MAP2: variants seen among roughly 807,000 people sequenced by gnomAD.
The protein encoded by MAP2 is microtubule-associated protein 2.
MAP2 carries 14 observed loss-of-function variants against 137.6 expected under a neutral mutation model. The observed-to-expected ratio is 0.10, with a 90% CI of 0.07 to 0.16. The LOEUF (loss-of-function observed/expected upper bound fraction) is 0.16, where lower values mean the gene tolerates loss of function less well. MAP2 is among the 10% of genes least tolerant of loss of function. The pLI is 1.00. For synonymous variants in MAP2, 786 were observed against 782.3 expected (o/e 1.00, Z -0.08); for missense variants, 2,088 against 2,191.5 (o/e 0.95, Z 0.94).
intron 2 of MAP2, among the ~76,000 whole-genome samples, chr2:209,516,445 A>C (rs1387109223): frequency 6.6e-6 from 1 of 152,126 alleles, no homozygotes; most frequent in African/African-American, 2.4e-5. Context: ...TTTTTAAAAA[A>C]CAGCTACGGT....
At position 209,694,050 on chromosome 2, in the gene MAP2, A is replaced by G. The variant is rs1583650651; in HGVS notation, c.1880A>G (p.Gln627Arg). The change falls in exon 8 of 16, where the codon CAG becomes CGG. Residue 627 changes from glutamine (Q) to arginine (R), a missense_variant. By Grantham distance (43) the Gln-to-Arg change is conservative (BLOSUM62 1). Around this residue, in one of 6 missense-constraint regions of MAP2, gnomAD observed 859 missense variants for 794.5 expected, o/e 1.08. Coordinates refer to ENST00000682079, the MANE Select transcript of MAP2 (RefSeq NM_001375505.1). ...GAGTTTCAAACAGGAAAAGAATCCC[A>G]GCCCAGTCCTCCAGCACAAGAAGCA... is the stretch of plus-strand genomic sequence containing the variant. ...DKEFQTGKES[Q>R]PSPPAQEAGY... 6.2e-7 allele frequency: 1 copy of G among 1,613,508 alleles called. No homozygotes were observed. The highest frequency in any genetic ancestry group is 2.2e-5 in the East Asian group (1 of 44,860).
chr2:209,564,047 G>A (rs905059937), intron 2 of MAP2, among the ~76,000 whole-genome samples: 4 of 152,234 alleles, frequency 2.6e-5, no homozygotes, highest in African/African-American at 9.6e-5. Context: ...TGAAATGAAG[G>A]TCAGTTAGTC....
At chr2:209,571,509 T>A (rs1386639431) in intron 2 of MAP2, among the ~76,000 whole-genome samples, 1 of 152,026 alleles carries the variant, frequency 6.6e-6, no homozygotes, top group Non-Finnish European at 1.5e-5. Context: ...AGTGGTTGTA[T>A]TAATTTAAGC....
intron 3 of MAP2, among the ~76,000 whole-genome samples, chr2:209,622,908 G>A (rs192517395): frequency 6.9e-4 from 105 of 152,086 alleles, no homozygotes; most frequent in Non-Finnish European, 1.1e-3. Flanking sequence ...TAGGTATTGG[G>A]TACCCTGAAT....
chr2:209,676,812 A>G (rs906058590), intron 5 of MAP2, among the ~76,000 whole-genome samples: 5 of 137,758 alleles, frequency 3.6e-5, no homozygotes, highest in African/African-American at 1.4e-4. Context: ...TCTTTATTAC[A>G]CTCAATTTTT....
At chr2:209,639,213 T>A (rs769725854) in intron 4 of MAP2, among the ~76,000 whole-genome samples, 13 of 152,140 alleles carry the variant, frequency 8.5e-5, no homozygotes, top group Non-Finnish European at 4.4e-5. Context: ...GGACATCATA[T>A]GTGACTGGAC....
At chr2:209,665,666 C>G (rs2153648258) in intron 5 of MAP2, among the ~76,000 whole-genome samples, 1 of 152,234 alleles carries the variant, frequency 6.6e-6, no homozygotes, top group East Asian at 1.9e-4. Flanking sequence ...TTTATTTTCT[C>G]TATTTCATCT....
intron 4 of MAP2, among the ~76,000 whole-genome samples, chr2:209,649,777 T>C (rs1431362685): frequency 6.6e-6 from 1 of 152,210 alleles, no homozygotes; most frequent in African/African-American, 2.4e-5. Context: ...AGGAATATTA[T>C]CTGAATAGTC....
Position 209,725,762 on chromosome 2 carries a change from C to T in MAP2, c.5127C>T (p.Gly1709=), listed in dbSNP as rs1204293300. 2 of 1,604,314 alleles carry T rather than the reference C, an allele frequency of 1.2e-6. No individual in the cohort carries two copies. Among genetic ancestry groups the T allele is most frequent in the African/African-American group, 1.3e-5 (1 of 74,572 alleles). Residue 1709 remains glycine, a synonymous_variant, in exon 14 of 16, where the codon GGC becomes GGT. Transcript: ENST00000682079. ...IDLSHVTSKC[G]SLKNIRHRPG... is the part of the protein sequence containing the mutation. Reference sequence around the variant, plus strand: ...TAAGCCATGTGACATCCAAATGTGGCTCTCTGAAGAACATCCGCCACAGGC... The same window carrying T: ...TAAGCCATGTGACATCCAAATGTGGTTCTCTGAAGAACATCCGCCACAGGC...
intron 1 of MAP2, among the ~76,000 whole-genome samples, chr2:209,497,520 A>T (rs1266202184): frequency 2.0e-5 from 3 of 152,218 alleles, no homozygotes; most frequent in African/African-American, 7.2e-5. Context: ...TTGCATTGCT[A>T]TAAAGAAATA....
At chr2:209,512,223 TTTGA>T (rs1320736281) in intron 2 of MAP2, among the ~76,000 whole-genome samples, 24 of 152,244 alleles carry the variant, frequency 1.6e-4, no homozygotes, top group African/African-American at 5.1e-4. Context: ...TGCTAATTAC[TTTGA>T]TTATTACATA....
chr2:209,695,915 C>T lies in MAP2; in HGVS notation c.3745C>T (p.Leu1249Phe). 1 of 1,614,118 alleles carries T rather than the reference C, an allele frequency of 6.2e-7. No individual in the cohort carries two copies. Among genetic ancestry groups the T allele is most frequent in the South Asian group, 1.1e-5 (1 of 91,084 alleles). Residue 1249 changes from leucine to phenylalanine, a missense_variant, in exon 8 of 16, where the codon CTC becomes TTC. Coordinates refer to ENST00000682079, the MANE Select transcript of MAP2 (RefSeq NM_001375505.1). ...AGCCCAGGGAGAATATGATAAACTG[C>T]TCTTCCGCTCAGACACCCTTCAGAT... is the stretch of plus-strand genomic sequence containing the variant. ...IEAQGEYDKL[L>F]FRSDTLQITD...
intron 1 of MAP2, among the ~76,000 whole-genome samples, chr2:209,494,751 T>G (rs1036536770): frequency 1.3e-5 from 2 of 152,186 alleles, no homozygotes; most frequent in African/African-American, 4.8e-5. Flanking sequence ...AAATAAATAT[T>G]GCCATCTTCC....
At chr2:209,708,442 G>A (rs527766421) in intron 12 of MAP2, among the ~76,000 whole-genome samples, 4 of 152,272 alleles carry the variant, frequency 2.6e-5, no homozygotes, top group African/African-American at 9.6e-5. Flanking sequence ...ACTGAAAGAA[G>A]TAAAATTCTT....
chr2:209,637,899 A>G (rs2093696903), intron 4 of MAP2, among the ~76,000 whole-genome samples: 1 of 152,086 alleles, frequency 6.6e-6, no homozygotes, highest in African/African-American at 2.4e-5. Context: ...ACTCTTGGCT[A>G]GGTCCTATTT....
chr2:209,454,732 G>A (rs1441406071), intron 1 of MAP2, among the ~76,000 whole-genome samples: 2 of 152,160 alleles, frequency 1.3e-5, no homozygotes, highest in Non-Finnish European at 2.9e-5. Context: ...GCATTATTAT[G>A]TAAATATATG....
intron 2 of MAP2, among the ~76,000 whole-genome samples, chr2:209,573,265 C>CT (rs1234724622): frequency 7.6e-4 from 108 of 141,486 alleles, no homozygotes; most frequent in African/African-American, 2.5e-3. Context: ...TTTTATCTTT[C>CT]TTTTTTTTTC....
intron 2 of MAP2, among the ~76,000 whole-genome samples, chr2:209,573,959 T>A (rs1189559083): frequency 4.6e-5 from 7 of 152,222 alleles, no homozygotes; most frequent in Non-Finnish European, 7.4e-5. Context: ...TGTCAGCACT[T>A]CACTTTTTTA....
chr2:209,701,724 T>C (rs1304916077), intron 11 of MAP2, among the ~76,000 whole-genome samples: 1 of 152,080 alleles, frequency 6.6e-6, no homozygotes, highest in Non-Finnish European at 1.5e-5. Flanking sequence ...GATATATTCC[T>C]GAACATATGG....
Sources: allele counts gnomAD v4.1 joint callset (sites outside exome capture counted in the v4.1 genomes callset), GRCh38; gene constraint gnomAD v4.1.1; regional missense constraint gnomAD v4.1.1; transcripts MANE v1.5; gene names NCBI Gene and HGNC (gene_info 2026-07-23, HGNC 2026-07-21).